OXR1: variants seen among roughly 807,000 people sequenced by gnomAD.
The protein encoded by OXR1 is oxidation resistance 1, also known as oxidation resistance protein 1.
A neutral mutation model predicts 104.6 loss-of-function variants in OXR1; 41 were observed. The ratio of observed to expected loss-of-function variants is 0.39; its 90% confidence interval spans 0.31 to 0.51. The LOEUF (loss-of-function observed/expected upper bound fraction) is 0.51. Among genes scored for constraint, OXR1 ranks in the 20% least tolerant of loss-of-function variants. The pLI, the probability that OXR1 is intolerant of heterozygous loss-of-function variation, is 0.77. For missense variants in OXR1, 955 were observed against 1,031.9 expected (o/e 0.93, Z 1.02); for synonymous variants, 348 against 348.4 (o/e 1.00, Z 0.01).
At chr8:106,690,267 GTAAA>G (rs762595556) in intron 6 of OXR1, among the ~76,000 whole-genome samples, 16 of 150,702 alleles carry the variant, frequency 1.1e-4, no homozygotes, top group South Asian at 2.1e-4. Context: ...ACTCAAATGT[GTAAA>G]TAACACATAA....
In OXR1 at chr8:106,691,418, T is replaced by G. The variant is rs56878097; in HGVS notation, c.526-1310T>G. On this transcript the variant is annotated intron_variant, in intron 6 of 16. Coordinates refer to ENST00000517566, the MANE Select transcript of OXR1 (RefSeq NM_001198533.2). ...GTAATTCCTCTGAACAACTTTGATCTTTTTTGAAAGTAATCTCCTTTTTTG... is the reference window on the plus strand; with the variant it reads ...GTAATTCCTCTGAACAACTTTGATCGTTTTTGAAAGTAATCTCCTTTTTTG... Among the ~76,000 whole-genome samples the G allele has an allele frequency of 9.6e-3, 1,462 of 152,032 alleles. 26 individuals are homozygous for G. Among genetic ancestry groups the G allele is most frequent in the African/African-American group, 0.033 (1,368 of 41,526 alleles).
In OXR1 at chr8:106,567,274, T is replaced by A. The variant is rs572591946; in HGVS notation, c.220+48135T>A. On this transcript the variant is annotated intron_variant, in intron 3 of 16. Coordinates refer to ENST00000517566, the MANE Select transcript of OXR1 (RefSeq NM_001198533.2). ...AGAGATTTCCAAGATATTGAATCTA[T>A]TTAGATTCAGGAAAGGTGGACCAAA... Among the ~76,000 whole-genome samples the A allele has an allele frequency of 3.3e-5, 5 of 152,260 alleles. No homozygotes were observed. The South Asian group carries it at 6.2e-4, about 19-fold the overall frequency.
chr8:106,430,842 C>T (rs1586635904), intron 2 of OXR1, among the ~76,000 whole-genome samples: 2 of 152,274 alleles, frequency 1.3e-5, no homozygotes, highest in South Asian at 4.1e-4. Flanking sequence ...TACAGTAATG[C>T]AACTCTGAAT....
At chr8:106,635,482 T>C (rs1823053906) in intron 3 of OXR1, among the ~76,000 whole-genome samples, 1 of 152,192 alleles carries the variant, frequency 6.6e-6, no homozygotes. Context: ...TCTTGTTCTG[T>C]GGTCCAGGCT....
chr8:106,524,019 A>G (rs992279764), intron 3 of OXR1, among the ~76,000 whole-genome samples: 37 of 152,182 alleles, frequency 2.4e-4, no homozygotes, highest in Admixed American at 7.9e-4. Context: ...CTCGTGATCC[A>G]TCTGCCTCGA....
intron 3 of OXR1, among the ~76,000 whole-genome samples, chr8:106,607,901 C>G (rs1203751612): frequency 6.6e-6 from 1 of 151,576 alleles, no homozygotes; most frequent in Non-Finnish European, 1.5e-5. Context: ...GCAAAGAGTT[C>G]AGACTCGGCT....
intron 3 of OXR1, among the ~76,000 whole-genome samples, chr8:106,544,451 A>G (rs1335189145): frequency 2.0e-5 from 3 of 152,076 alleles, no homozygotes; most frequent in African/African-American, 7.2e-5. Flanking sequence ...AAAAGGTTAT[A>G]CCTCATCATG....
At chr8:106,417,716 G>A (rs549985257) in intron 2 of OXR1, among the ~76,000 whole-genome samples, 3 of 152,132 alleles carry the variant, frequency 2.0e-5, no homozygotes, top group Non-Finnish European at 4.4e-5. Flanking sequence ...CATTCATACA[G>A]TGTTACTACT....
chr8:106,637,620 A>G (rs1048197114), intron 3 of OXR1, among the ~76,000 whole-genome samples: 1 of 152,198 alleles, frequency 6.6e-6, no homozygotes, highest in Non-Finnish European at 1.5e-5. Context: ...GAATTTGCAT[A>G]GACAAGAATG....
chr8:106,280,833 G>A (rs997525097), intron 1 of OXR1, among the ~76,000 whole-genome samples: 3 of 152,130 alleles, frequency 2.0e-5, no homozygotes, highest in African/African-American at 7.2e-5. Context: ...TCAAGTGAGG[G>A]CCAGTAGGAT....
At chr8:106,582,989 A>G (rs1387365668) in intron 3 of OXR1, among the ~76,000 whole-genome samples, 3 of 152,182 alleles carry the variant, frequency 2.0e-5, no homozygotes, top group Non-Finnish European at 1.5e-5. Flanking sequence ...CTCTACTTCT[A>G]TGACATAATG....
intron 6 of OXR1, among the ~76,000 whole-genome samples, chr8:106,688,917 A>G (rs1258330489): frequency 3.9e-5 from 6 of 152,154 alleles, no homozygotes; most frequent in African/African-American, 9.7e-5. Context: ...TAAATTAAAT[A>G]TATGTGTCAC....
chr8:106,495,688 G>A (rs534897870), intron 2 of OXR1, among the ~76,000 whole-genome samples: 10 of 152,220 alleles, frequency 6.6e-5, no homozygotes, highest in African/African-American at 2.4e-4. Flanking sequence ...CAAAGAATTC[G>A]GTCTGAGTGA....
intron 3 of OXR1, among the ~76,000 whole-genome samples, chr8:106,643,078 T>G (rs1823792272): frequency 6.6e-6 from 1 of 152,202 alleles, no homozygotes; most frequent in African/African-American, 2.4e-5. Flanking sequence ...ATGAACAACC[T>G]TAACAGAGGC....
intron 3 of OXR1, among the ~76,000 whole-genome samples, chr8:106,669,200 TA>T (rs200458726): frequency 2.0e-5 from 3 of 151,156 alleles, no homozygotes; most frequent in East Asian, 1.9e-4. Context: ...AGAGATCAGA[TA>T]AAAAAAAAGT....
intron 2 of OXR1, among the ~76,000 whole-genome samples, chr8:106,512,585 T>G (rs1421084160): frequency 2.0e-5 from 3 of 152,164 alleles, no homozygotes; most frequent in African/African-American, 7.2e-5. Flanking sequence ...AAAAACACTT[T>G]TTTATGCGTT....
intron 7 of OXR1, among the ~76,000 whole-genome samples, chr8:106,699,890 A>C (rs1381097961): frequency 6.6e-6 from 1 of 152,208 alleles, no homozygotes; most frequent in Non-Finnish European, 1.5e-5. Flanking sequence ...AATAACTATA[A>C]TGGCTAAGTT....
chr8:106,291,133 C>A (rs1586480194), intron 1 of OXR1, among the ~76,000 whole-genome samples: 1 of 152,076 alleles, frequency 6.6e-6, no homozygotes, highest in East Asian at 1.9e-4. Flanking sequence ...GGAATTATGT[C>A]CTTTACAGCA....
rs1418823632 is a variant in OXR1 at position 106,607,827 on chromosome 8, T to C, written c.221-71383T>C. 6.6e-5 allele frequency among the ~76,000 whole-genome samples: 10 copies of C among 152,022 alleles called. No individual in the cohort carries two copies. In the East Asian group the frequency reaches 1.7e-3, roughly 26 times the overall value. On this transcript the variant is annotated intron_variant, in intron 3 of 16. Coordinates refer to ENST00000517566, the MANE Select transcript of OXR1 (RefSeq NM_001198533.2). ...TCTTTTTCTTTTTCTTTTTTTTTTT[T>C]ACTAGTGAGGTAACTGGGACATAGA... is the stretch of plus-strand genomic sequence containing the variant.
Sources: allele counts gnomAD v4.1 joint callset (sites outside exome capture counted in the v4.1 genomes callset), GRCh38; gene constraint gnomAD v4.1.1; transcripts MANE v1.5; gene names NCBI Gene and HGNC (gene_info 2026-07-23, HGNC 2026-07-21).